The following KANK1 variants were observed in gnomAD, a reference collection of about 807,000 sequenced individuals.
The protein encoded by KANK1 is KN motif and ankyrin repeat domain-containing protein 1.
A neutral mutation model predicts 106.2 loss-of-function variants in KANK1; 109 were observed. That is an observed-to-expected ratio of 1.03 (90% CI 0.88 to 1.20). KANK1 has a LOEUF of 1.20. Among genes scored for constraint, KANK1 ranks in the 50% most tolerant of loss-of-function variants. The probability of loss-of-function intolerance (pLI) is 0.00; values close to 1 mark genes in which losing one functional copy is unlikely to be tolerated. For synonymous variants in KANK1, 873 were observed against 652.2 expected, an observed-to-expected ratio of 1.34 and a Z score of -5.16; for missense variants, 2,399 against 1,710.7, an observed-to-expected ratio of 1.40 and a Z score of -7.10.
intron 3 of KANK1, among the ~76,000 whole-genome samples, chr9:729,676 G>T (rs887587914): frequency 6.6e-6 from 1 of 152,182 alleles, no homozygotes; most frequent in Non-Finnish European, 1.5e-5. Context: ...TTTAGGCGTT[G>T]TCACATTTTG....
chr9:624,285 A>G (rs1833847967), intron 1 of KANK1, among the ~76,000 whole-genome samples: 1 of 152,156 alleles, frequency 6.6e-6, no homozygotes, highest in African/African-American at 2.4e-5. Context: ...TAAGATGAAT[A>G]TGTTCTGGAG....
At chr9:601,729 G>A (rs985666916) in intron 1 of KANK1, among the ~76,000 whole-genome samples, 1 of 151,770 alleles carries the variant, frequency 6.6e-6, no homozygotes, top group East Asian at 1.9e-4. Flanking sequence ...CCTTCAGGCT[G>A]ACTCTGATGT....
chr9:698,110 C>T (rs1821763006), intron 2 of KANK1, among the ~76,000 whole-genome samples: 1 of 152,282 alleles, frequency 6.6e-6, no homozygotes, highest in Admixed American at 6.5e-5. Context: ...TCCCTGTTGG[C>T]CAATTCAGGC....
chr9:738,492 C>T lies in KANK1; in HGVS notation c.3541C>T (p.Leu1181=). 1 of 1,613,660 alleles carries T rather than the reference C, an allele frequency of 6.2e-7. No individual in the cohort carries two copies. Among genetic ancestry groups the T allele is most frequent in the Non-Finnish European group, 8.5e-7 (1 of 1,179,520 alleles). Residue 1181 remains leucine, a synonymous_variant, in exon 8 of 12, where the codon CTG becomes TTG. Transcript: ENST00000382297. The part of the protein sequence containing the change: ...SHSNFEIVKL[L]LDADVCNVDH... ...CTCCAACTTCGAGATTGTGAAGCTG[C>T]TGTTAGATGCCGGTATGTTGGCTGC... is the stretch of plus-strand genomic sequence containing the variant.
chr9:598,525 T>C (rs747086013), intron 1 of KANK1, among the ~76,000 whole-genome samples: 1 of 151,364 alleles, frequency 6.6e-6, no homozygotes, highest in Non-Finnish European at 1.5e-5. Context: ...TTAGGTCTTA[T>C]TCTTCAGCAG....
At chr9:511,083 CAA>C (rs1273645477) in intron 1 of KANK1, among the ~76,000 whole-genome samples, 2 of 150,364 alleles carry the variant, frequency 1.3e-5, no homozygotes, top group Non-Finnish European at 2.9e-5. Flanking sequence ...TAGAAATACT[CAA>C]TATCGATACA....
intron 2 of KANK1, among the ~76,000 whole-genome samples, chr9:688,732 T>G (rs1819158471): frequency 1.3e-5 from 2 of 152,226 alleles, no homozygotes; most frequent in South Asian, 2.1e-4. Context: ...TGGAAAGTTC[T>G]TCCTGGCTGC....
intron 3 of KANK1, among the ~76,000 whole-genome samples, chr9:476,168 A>T (rs896825987): frequency 6.6e-6 from 1 of 151,682 alleles, no homozygotes; most frequent in Non-Finnish European, 1.5e-5. Context: ...AAAGTTAGAA[A>T]ACTAAACTAC....
chr9:694,126 G>A (rs922938676), intron 2 of KANK1, among the ~76,000 whole-genome samples: 6 of 152,046 alleles, frequency 3.9e-5, no homozygotes, highest in Non-Finnish European at 7.4e-5. Context: ...TTTTCCAATA[G>A]GGAGTTGCTC....
intron 1 of KANK1, among the ~76,000 whole-genome samples, chr9:626,700 A>C (rs1834425379): frequency 6.6e-6 from 1 of 152,242 alleles, no homozygotes; most frequent in Non-Finnish European, 1.5e-5. Context: ...AGAAACAAAA[A>C]ACAAAACCCA....
At chr9:483,468 G>A (rs1383195040) in intron 3 of KANK1, among the ~76,000 whole-genome samples, 2 of 152,200 alleles carry the variant, frequency 1.3e-5, no homozygotes, top group African/African-American at 4.8e-5. Flanking sequence ...CTAGGAGTGA[G>A]GGCTTGGGGT....
upstream of KANK1, among the ~76,000 whole-genome samples, chr9:503,713 C>T (rs1015376360): frequency 6.6e-6 from 1 of 152,132 alleles, no homozygotes; most frequent in South Asian, 2.1e-4. Flanking sequence ...TTTATAAAGT[C>T]GTCCCTTCAG....
At chr9:587,495 T>G (rs956924024) in intron 1 of KANK1, among the ~76,000 whole-genome samples, 1 of 152,210 alleles carries the variant, frequency 6.6e-6, no homozygotes, top group African/African-American at 2.4e-5. Context: ...TATTGCAGGC[T>G]TTATTCAATA....
intron 1 of KANK1, among the ~76,000 whole-genome samples, chr9:649,385 C>T (rs753601126): frequency 1.3e-5 from 2 of 152,092 alleles, no homozygotes; most frequent in Non-Finnish European, 2.9e-5. Flanking sequence ...GTCACCCTGG[C>T]TCAAAGCATA....
rs1837919749 is a variant in KANK1 at position 639,560 on chromosome 9, G to T, written c.-83-37330G>T. On this transcript the variant is annotated intron_variant, in intron 1 of 11. Transcript: ENST00000382297. ...TTGAACTCCTGGCCTCAAGTCTTCT[G>T]CCCACCTCGGCCTCCCAAAGTTCTG... 2.0e-5 allele frequency among the ~76,000 whole-genome samples: 3 copies of T among 151,916 alleles called. No individual in the cohort carries two copies. In the South Asian group the frequency reaches 6.3e-4, roughly 32 times the overall value.
chr9:531,754 C>T (rs964441829), intron 1 of KANK1, among the ~76,000 whole-genome samples: 1 of 152,202 alleles, frequency 6.6e-6, no homozygotes, highest in Non-Finnish European at 1.5e-5. Context: ...CCATTTTATT[C>T]TGAACTGTGG....
At chr9:649,719 C>G (rs1323137722) in intron 1 of KANK1, among the ~76,000 whole-genome samples, 1 of 152,152 alleles carries the variant, frequency 6.6e-6, no homozygotes, top group African/African-American at 2.4e-5. Flanking sequence ...TCAAGGTTTT[C>G]ATTCACTGTG....
chr9:592,053 C>T (rs190995930), intron 1 of KANK1, among the ~76,000 whole-genome samples: 9 of 151,740 alleles, frequency 5.9e-5, no homozygotes, highest in Admixed American at 2.0e-4. Flanking sequence ...TTGACCACAG[C>T]GAGGTCTCTA....
At chr9:606,181 A>C (rs998937262) in intron 1 of KANK1, among the ~76,000 whole-genome samples, 1 of 140,770 alleles carries the variant, frequency 7.1e-6, no homozygotes, top group African/African-American at 2.6e-5. Flanking sequence ...ACACACACAC[A>C]CCACTCACAC....
Sources: gnomAD v4.1 joint callset for allele counts (sites outside exome capture counted in the v4.1 genomes callset) on GRCh38, gnomAD v4.1.1 for gene constraint, MANE v1.5 for transcripts, NCBI Gene and HGNC (gene_info 2026-07-23, HGNC 2026-07-21) for gene names.